NNAT: variants seen among roughly 807,000 people sequenced by gnomAD.
NNAT encodes the protein neuronatin.
NNAT carries 8 observed loss-of-function variants against 12.7 expected under a neutral mutation model. The ratio of observed to expected loss-of-function variants is 0.63; its 90% confidence interval spans 0.37 to 1.14. NNAT has a LOEUF of 1.14. Ranked by LOEUF, NNAT falls within the 50% of genes most tolerant of loss-of-function variation. The pLI, the probability that NNAT is intolerant of heterozygous loss-of-function variation, is 0.01. For missense variants in NNAT, 94 were observed against 108.3 expected, an observed-to-expected ratio of 0.87 and a Z score of 0.59; for synonymous variants, 52 against 48.5, an observed-to-expected ratio of 1.07 and a Z score of -0.30.
In NNAT at chr20:37,522,909, C is replaced by A. The variant is rs929039143; in HGVS notation, c.*150C>A. The A allele has an allele frequency of 4.8e-6, 3 of 628,502 alleles. No homozygotes were observed. Among genetic ancestry groups the A allele is most frequent in the African/African-American group, 3.7e-5 (2 of 54,094 alleles). 38.9% of individuals were successfully genotyped at this position (628,502 alleles called of 1,614,324 possible). A position where few individuals can be genotyped will look rare whatever the true frequency, so the allele number is the denominator to read the frequency against. ...GCAAGGTCAGTGAGGGGCCAGTAGACCCCCGGAGAAGCAGTACCGACAATG... is the reference window on the plus strand; with the variant it reads ...GCAAGGTCAGTGAGGGGCCAGTAGAACCCCGGAGAAGCAGTACCGACAATG... On this transcript the variant is annotated 3_prime_UTR_variant, in exon 3 of 3. Coordinates refer to ENST00000649451, the MANE Select transcript of NNAT (RefSeq NM_005386.4).
chr20:37,522,404 A>G lies in NNAT; in HGVS notation c.119A>G (p.Asn40Ser). Residue 40 changes from asparagine (N) to serine (S), a missense_variant, in exon 2 of 3, where the codon AAT becomes AGT. Asn to Ser is a conservative substitution (Grantham distance 46, BLOSUM62 1). Coordinates refer to ENST00000649451, the MANE Select transcript of NNAT (RefSeq NM_005386.4). ...CIYWVGFAFR[N>S]PPGTQPIARS... ...TACTGGGTAGGATTCGCTTTTCGAA[A>G]TCCTCCAGGGACACAGCCCATTGCG... The G allele has an allele frequency of 6.2e-7, 1 of 1,613,946 alleles. No individual in the cohort carries two copies. Among genetic ancestry groups the G allele is most frequent in the East Asian group, 2.2e-5 (1 of 44,854 alleles).
rs1259891833 is a variant in NNAT, at chr20:37,523,473, C to G, written c.*714C>G. The G allele has an allele frequency of 6.5e-6, 1 of 152,782 alleles. No individual in the cohort carries two copies. Among genetic ancestry groups the G allele is most frequent in the African/African-American group, 2.4e-5 (1 of 41,452 alleles). 9.5% of individuals were successfully genotyped at this position (152,782 alleles called of 1,614,324 possible). ...CACTTTCTCTGAACCCCCCTTGCCC[C>G]TCACTGATCTTGCTTTTCCCTGGTC... is the stretch of plus-strand genomic sequence containing the variant. On this transcript the variant is annotated 3_prime_UTR_variant, in exon 3 of 3. Coordinates refer to ENST00000649451, the MANE Select transcript of NNAT (RefSeq NM_005386.4).
chr20:37,522,598 G>GGGGGGGGGGGGCCC, intron 2 of NNAT, 69 bp from the exon 3 acceptor site: 4 of 864,304 alleles, frequency 4.6e-6, no homozygotes, highest in East Asian at 4.6e-5. Context: ...GCGGGGGTGG[G>GGGGGGGGGGGGCCC]CACGGCAGCA....
chr20:37,522,598 G>GGGGCGCC, intron 2 of NNAT, 69 bp from the exon 3 acceptor site: 1 of 864,470 alleles, frequency 1.2e-6, no homozygotes, highest in Admixed American at 2.4e-5. Flanking sequence ...GCGGGGGTGG[G>GGGGCGCC]CACGGCAGCA....
In NNAT at chr20:37,522,911, C is replaced by T; in HGVS notation, c.*152C>T. On this transcript the variant is annotated 3_prime_UTR_variant, in exon 3 of 3. Coordinates refer to ENST00000649451, the MANE Select transcript of NNAT (RefSeq NM_005386.4). The stretch of plus-strand genomic sequence containing the variant: ...AAGGTCAGTGAGGGGCCAGTAGACC[C>T]CCGGAGAAGCAGTACCGACAATGAC... 1.6e-6 allele frequency: 1 copy of T among 618,664 alleles called. No homozygotes were observed. The highest frequency in any genetic ancestry group is 2.8e-6 in the Non-Finnish European group (1 of 358,906). The allele number at this position is 618,664 out of a possible 1,614,324, so 38.3% of individuals were successfully genotyped here.
At chr20:37,522,203 A>AT (rs1284083843) in intron 1 of NNAT, among the ~76,000 whole-genome samples, 155 bp from the exon 2 acceptor site, 1 of 150,828 alleles carries the variant, frequency 6.6e-6, no homozygotes, top group Non-Finnish European at 1.5e-5. Flanking sequence ...AATAATAAAA[A>AT]AAATAAAAAA....
At chr20:37,522,568 C>CGGGCGGGGCAGGGGGTG in intron 2 of NNAT, 99 bp from the exon 3 acceptor site, 5 of 588,262 alleles carry the variant, frequency 8.5e-6, no homozygotes, top group Non-Finnish European at 1.1e-5. Context: ...GCTGGATGGG[C>CGGGCGGGGCAGGGGGTG]GGGCGGGGCA....
rs2071557435 is a variant in NNAT at position 37,521,260 on chromosome 20, A to ACAGCGGACTCCGAGAC, written c.-64_-49dup. 3 of 1,524,074 alleles carry ACAGCGGACTCCGAGAC rather than the reference A, an allele frequency of 2.0e-6. No homozygotes were observed. Among genetic ancestry groups the ACAGCGGACTCCGAGAC allele is most frequent in the Non-Finnish European group, 2.7e-6 (3 of 1,098,972 alleles). The allele number at this position is 1,524,074 out of a possible 1,614,324, so 94.4% of individuals were successfully genotyped here. A position where few individuals can be genotyped will look rare whatever the true frequency, so the allele number is the denominator to read the frequency against. ...CACCGCGGCTGCGGCAGTGCGCCCAACAGCGGACTCCGAGACCAGCGGATC... is the reference window on the plus strand; with the variant it reads ...CACCGCGGCTGCGGCAGTGCGCCCAACAGCGGACTCCGAGACCAGCGGACTCCGAGACCAGCGGATC... On this transcript the variant is annotated 5_prime_UTR_variant, in exon 1 of 3. Coordinates refer to ENST00000649451, the MANE Select transcript of NNAT (RefSeq NM_005386.4). The surrounding 1 kb of genome is among the most constrained non-coding windows in gnomAD (Gnocchi z 4.5).
rs897113915 is a variant in NNAT at position 37,522,951 on chromosome 20, C to G, written c.*192C>G. ...CCGACAATGACGAAGATACCAGATC[C>G]CTTCCCAACCCCTTTGCACCGGTCC... On this transcript the variant is annotated 3_prime_UTR_variant, in exon 3 of 3. Transcript: ENST00000649451. 1 of 570,272 alleles carries G rather than the reference C, an allele frequency of 1.8e-6. No individual in the cohort carries two copies. Among genetic ancestry groups the G allele is most frequent in the Non-Finnish European group, 3.1e-6 (1 of 320,756 alleles). The allele number at this position is 570,272 out of a possible 1,614,324, so 35.3% of individuals were successfully genotyped here.
chr20:37,522,842 G>C lies in NNAT; in HGVS notation c.*83G>C. 7.7e-7 allele frequency: 1 copy of C among 1,291,112 alleles called. No homozygotes were observed. Among genetic ancestry groups the C allele is most frequent in the East Asian group, 2.5e-5 (1 of 39,252 alleles). 80.0% of individuals were successfully genotyped at this position (1,291,112 alleles called of 1,614,324 possible). A position where few individuals can be genotyped will look rare whatever the true frequency, so the allele number is the denominator to read the frequency against. On this transcript the variant is annotated 3_prime_UTR_variant, in exon 3 of 3. Transcript: ENST00000649451. Reference sequence around the variant, plus strand: ...CAGCACGGGAGCCAGTGCCGCGCAGGAATGTGGGGTCCCCTGTGTTCCCTC... The same window carrying C: ...CAGCACGGGAGCCAGTGCCGCGCAGCAATGTGGGGTCCCCTGTGTTCCCTC...
rs564664228 is a variant in NNAT, at chr20:37,523,139, G to A, written c.*380G>A. 4.1e-5 allele frequency: 8 copies of A among 193,616 alleles called. No homozygotes were observed. The highest frequency in any genetic ancestry group is 1.9e-4 in the African/African-American group (8 of 43,004). The allele number at this position is 193,616 out of a possible 1,614,324, so 12.0% of individuals were successfully genotyped here. ...GCCCCACCATGGAAATCAAAACACC[G>A]CACCAGCCAGCAGAATGGACATTCT... On this transcript the variant is annotated 3_prime_UTR_variant, in exon 3 of 3. Transcript: ENST00000649451.
chr20:37,522,751 C>T lies in NNAT; in HGVS notation c.238C>T (p.Pro80Ser). 6.2e-7 allele frequency: 1 copy of T among 1,602,778 alleles called. No homozygotes were observed. Among genetic ancestry groups the T allele is most frequent in the Non-Finnish European group, 8.5e-7 (1 of 1,175,370 alleles). Reference protein sequence around the residue: ...QVLGERRQRAPN With the variant: ...QVLGERRQRASN ...GTTGGGGGAGCGCAGGCAGCGAGCC[C>T]CCAACTGAGGCCCCAGCTCCCAGCC... Residue 80 changes from proline to serine, a missense_variant, in exon 3 of 3, where the codon CCC becomes TCC. By Grantham distance (74) the Pro-to-Ser change is moderately conservative. Transcript: ENST00000649451.
rs1030806870 is a variant in NNAT at position 37,521,493 on chromosome 20, C to G, written c.72+90C>G. Reference sequence around the variant, plus strand: ...TGCGTCGCGATTGCCGCTTCCCGGACCCGTCCTATTCCGATTGCCGCGATC... The same window carrying G: ...TGCGTCGCGATTGCCGCTTCCCGGAGCCGTCCTATTCCGATTGCCGCGATC... On this transcript the variant is annotated intron_variant, in intron 1 of 2. Transcript: ENST00000649451. The surrounding 1 kb of genome is among the most constrained non-coding windows in gnomAD (Gnocchi z 4.5). 58 of 1,312,420 alleles carry G rather than the reference C, an allele frequency of 4.4e-5. No homozygotes were observed. The highest frequency in any genetic ancestry group is 5.6e-5 in the Non-Finnish European group (51 of 908,656). 81.3% of individuals were successfully genotyped at this position (1,312,420 alleles called of 1,614,324 possible).
Position 37,521,293 on chromosome 20 carries a change from A to G in NNAT, c.-39A>G, listed in dbSNP as rs1178072930. 1.2e-6 allele frequency: 2 copies of G among 1,608,088 alleles called. No individual in the cohort carries two copies. Among genetic ancestry groups the G allele is most frequent in the African/African-American group, 2.7e-5 (2 of 74,682 alleles). On this transcript the variant is annotated 5_prime_UTR_variant, in exon 1 of 3. Coordinates refer to ENST00000649451, the MANE Select transcript of NNAT (RefSeq NM_005386.4). This position sits in a 1 kb window ranked among gnomAD's most constrained non-coding sequence, Gnocchi z 4.5. Reference sequence around the variant, plus strand: ...CTCCGAGACCAGCGGATCTCGGCAAACCCTCTTTCTCGACCACCCACCTAC... The same window carrying G: ...CTCCGAGACCAGCGGATCTCGGCAAGCCCTCTTTCTCGACCACCCACCTAC...
intron 2 of NNAT, 95 bp from the exon 3 acceptor site, chr20:37,522,572 C>A: frequency 3.5e-6 from 2 of 578,850 alleles, no homozygotes; most frequent in South Asian, 4.1e-5. Flanking sequence ...GATGGGCGGG[C>A]GGGGCAGGGG....
Position 37,522,746 on chromosome 20 carries a change from G to A in NNAT, c.233G>A (p.Arg78Gln), listed in dbSNP as rs1375784052. The A allele has an allele frequency of 1.2e-5, 20 of 1,605,156 alleles. No homozygotes were observed. The highest frequency in any genetic ancestry group is 1.7e-5 in the Admixed American group (1 of 59,228). The change falls in exon 3 of 3, where the codon CGA (arginine) becomes CAA (glutamine). Residue 78 changes from arginine to glutamine, a missense_variant. Transcript: ENST00000649451. ...GRQVLGERRQ[R>Q]APN ...CAGGTGTTGGGGGAGCGCAGGCAGC[G>A]AGCCCCCAACTGAGGCCCCAGCTCC...
chr20:37,522,549 C>G, intron 2 of NNAT, 111 bp downstream of exon 2: 1 of 1,377,160 alleles, frequency 7.3e-7, no homozygotes, highest in Non-Finnish European at 9.9e-7. Context: ...GCCCGCCTCT[C>G]CAGCCTACGC....
At chr20:37,522,598 G>GGGGGGGGGGGGGGGCCC in intron 2 of NNAT, 69 bp from the exon 3 acceptor site, 5 of 864,402 alleles carry the variant, frequency 5.8e-6, no homozygotes, top group South Asian at 1.5e-5. Context: ...GCGGGGGTGG[G>GGGGGGGGGGGGGGGCCC]CACGGCAGCA....
At position 37,521,673 on chromosome 20, in the gene NNAT, T is replaced by C. The variant is rs892252605; in HGVS notation, c.72+270T>C. On this transcript the variant is annotated intron_variant, in intron 1 of 2. Coordinates refer to ENST00000649451, the MANE Select transcript of NNAT (RefSeq NM_005386.4). This position sits in a 1 kb window ranked among gnomAD's most constrained non-coding sequence, Gnocchi z 4.5. ...ACCGCTGCGGACGATCACCCAGGCATTTAGCGACCTACGCGGTAAGAAAAA... is the reference window on the plus strand; with the variant it reads ...ACCGCTGCGGACGATCACCCAGGCACTTAGCGACCTACGCGGTAAGAAAAA... 29 of 468,068 alleles carry C rather than the reference T, an allele frequency of 6.2e-5. No homozygotes were observed. In the Middle Eastern group the frequency reaches 2.2e-3, roughly 36 times the overall value. The allele number at this position is 468,068 out of a possible 1,614,324, so 29.0% of individuals were successfully genotyped here. A position where few individuals can be genotyped will look rare whatever the true frequency, so the allele number is the denominator to read the frequency against.
Sources: gnomAD v4.1 joint callset for allele counts (sites outside exome capture counted in the v4.1 genomes callset) on GRCh38, gnomAD v4.1.1 for gene constraint, Gnocchi (gnomAD v3.1) non-coding constraint, MANE v1.5 for transcripts, NCBI Gene and HGNC (gene_info 2026-07-23, HGNC 2026-07-21) for gene names.